Variants in C8orf90 observed in about 807,000 individuals in gnomAD.
C8orf90 encodes chromosome 8 open reading frame 90.
the C8orf90 span, among the ~76,000 whole-genome samples, chr8:141,517,173 A>G: frequency 9.1e-6 from 1 of 109,594 alleles, no homozygotes; most frequent in Non-Finnish European, 2.2e-5. Context: ...AGTAAAACAG[A>G]CTGAATATTG....
At chr8:141,518,481 G>GC in the C8orf90 span, 1 of 638,386 alleles carries the variant, frequency 1.6e-6, no homozygotes. Flanking sequence ...CCGGAGCTTC[G>GC]CCCCCAGCGC....
the C8orf90 span, among the ~76,000 whole-genome samples, chr8:141,515,664 G>C: frequency 6.6e-6 from 1 of 151,866 alleles, no homozygotes; most frequent in Non-Finnish European, 1.5e-5. Context: ...TCTTCCACCT[G>C]TCTGGCCTCC....
At chr8:141,514,963 C>T in the C8orf90 span, among the ~76,000 whole-genome samples, 1 of 152,028 alleles carries the variant, frequency 6.6e-6, no homozygotes, top group African/African-American at 2.4e-5. Flanking sequence ...AAAGGTCCTT[C>T]TCCTCCCTAC....
the C8orf90 span, among the ~76,000 whole-genome samples, chr8:141,517,813 GA>G: frequency 6.6e-6 from 1 of 152,176 alleles, no homozygotes; most frequent in Non-Finnish European, 1.5e-5. Context: ...AACTGAGAGT[GA>G]CTGCTTCACC....
chr8:141,518,314 G>A, the C8orf90 span: 1 of 668,574 alleles, frequency 1.5e-6, no homozygotes, highest in Non-Finnish European at 2.7e-6. Context: ...CGCCTACCGC[G>A]CGCTGGGCAA....
chr8:141,514,820 C>A, the C8orf90 span: 60,213 of 692,248 alleles, frequency 0.087, 2,939 homozygotes, highest in African/African-American at 0.14. Flanking sequence ...GCACCTGGGG[C>A]TCTGAGAATG....
the C8orf90 span, among the ~76,000 whole-genome samples, chr8:141,515,645 C>T: frequency 1.3e-5 from 2 of 152,064 alleles, no homozygotes; most frequent in Non-Finnish European, 2.9e-5. Flanking sequence ...GAGGTGGAAG[C>T]CCACAGTGTC....
At chr8:141,515,879 G>T in the C8orf90 span, among the ~76,000 whole-genome samples, 1 of 152,172 alleles carries the variant, frequency 6.6e-6, no homozygotes, top group East Asian at 1.9e-4. Flanking sequence ...TCCCTGGTCT[G>T]CCCAGCCTCT....
the C8orf90 span, chr8:141,518,283 G>T: frequency 1.5e-6 from 1 of 660,780 alleles, no homozygotes; most frequent in Non-Finnish European, 2.7e-6. Context: ...TCTGGGAGGC[G>T]CATTTCCGCG....
chr8:141,518,136 G>T, the C8orf90 span: 1 of 524,820 alleles, frequency 1.9e-6, no homozygotes, highest in Non-Finnish European at 3.3e-6. Context: ...TTCGCGCCCG[G>T]CCTCCTGGTC....
chr8:141,518,134 C>A, the C8orf90 span: 2 of 525,252 alleles, frequency 3.8e-6, no homozygotes, highest in African/African-American at 4.1e-5. Flanking sequence ...TCTTCGCGCC[C>A]GGCCTCCTGG....
At chr8:141,518,511 C>T in the C8orf90 span, 1 of 600,342 alleles carries the variant, frequency 1.7e-6, no homozygotes, top group Non-Finnish European at 2.9e-6. Context: ...CCCTGCACGC[C>T]ACGGCCCAGG....
chr8:141,518,170 G>C, the C8orf90 span: 16 of 524,282 alleles, frequency 3.1e-5, no homozygotes, highest in African/African-American at 2.3e-4. Flanking sequence ...GGCCGCTCCC[G>C]GCCCTCCCCG....
the C8orf90 span, among the ~76,000 whole-genome samples, chr8:141,514,982 A>G: frequency 2.4e-3 from 359 of 151,940 alleles, no homozygotes; most frequent in Non-Finnish European, 3.8e-3. Flanking sequence ...ACGCTCCCCA[A>G]TGCTCTGATG....
the C8orf90 span, among the ~76,000 whole-genome samples, chr8:141,517,673 C>T: frequency 3.3e-5 from 5 of 152,346 alleles, no homozygotes; most frequent in South Asian, 2.1e-4. Flanking sequence ...CAAGGCCTGG[C>T]GATCTGGCCC....
the C8orf90 span, among the ~76,000 whole-genome samples, chr8:141,515,711 C>T: frequency 6.6e-6 from 1 of 152,086 alleles, no homozygotes; most frequent in East Asian, 1.9e-4. Flanking sequence ...GGCCTCTGCC[C>T]CCTCGCTGGC....
At chr8:141,518,443 G>T in the C8orf90 span, 1 of 664,730 alleles carries the variant, frequency 1.5e-6, no homozygotes. Context: ...CCGCGACCGC[G>T]CAGACTTCGA....
At chr8:141,516,159 C>T in the C8orf90 span, among the ~76,000 whole-genome samples, 1 of 152,300 alleles carries the variant, frequency 6.6e-6, no homozygotes, top group East Asian at 1.9e-4. Flanking sequence ...TCCAGCAACT[C>T]TTCACCCTCT....
At chr8:141,515,456 C>T in the C8orf90 span, among the ~76,000 whole-genome samples, 1 of 149,162 alleles carries the variant, frequency 6.7e-6, no homozygotes, top group Admixed American at 6.7e-5. Flanking sequence ...CCCTAGCTCT[C>T]CTGTCATCCT....
Sources: gnomAD v4.1 joint callset for allele counts (sites outside exome capture counted in the v4.1 genomes callset) on GRCh38, gnomAD v4.1.1 for gene constraint, MANE v1.5 for transcripts, NCBI Gene and HGNC (gene_info 2026-07-23, HGNC 2026-07-21) for gene names.